CHD1L: variants seen among roughly 807,000 people sequenced by gnomAD.
CHD1L encodes the protein chromodomain helicase DNA binding protein 1 like.
In CHD1L, 118 loss-of-function variants were observed where a neutral mutation model predicts 115.9. The observed-to-expected ratio is 1.02, with a 90% confidence interval of 0.88 to 1.19. The LOEUF (loss-of-function observed/expected upper bound fraction) is 1.19, where lower values mean the gene tolerates loss of function less well. CHD1L is among the 50% of genes most tolerant of loss of function. The pLI, the probability that CHD1L is intolerant of heterozygous loss-of-function variation, is 0.00. For missense variants in CHD1L, 1,179 were observed against 1,065.3 expected (o/e 1.11, Z -1.49); for synonymous variants, 411 against 387.1 (o/e 1.06, Z -0.72).
rs373424057 is a variant in CHD1L at position 147,280,084 on chromosome 1, T to C, written c.1598T>C (p.Met533Thr). 2.0e-4 allele frequency: 315 copies of C among 1,614,092 alleles called. 3 individuals are homozygous for C. The South Asian group carries it at 3.2e-3, about 17-fold the overall frequency. Reference sequence around the variant, plus strand: ...CTGCTGGCCTCTGAGGGGAGCACCATGGATGAAATAGACCTGGAGTCCATC... The same window carrying C: ...CTGCTGGCCTCTGAGGGGAGCACCACGGATGAAATAGACCTGGAGTCCATC... ...DKLLASEGST[M>T]DEIDLESILG... The change falls in exon 15 of 23, where the codon ATG becomes ACG. Residue 533 changes from methionine to threonine, a missense_variant. By Grantham distance (81) the Met-to-Thr change is moderately conservative. Coordinates refer to ENST00000369258, the MANE Select transcript of CHD1L (RefSeq NM_004284.6).
At chr1:147,224,858 G>C in the CHD1L span, 1 of 1,595,576 alleles carries the variant, frequency 6.3e-7, no homozygotes, top group Non-Finnish European at 8.6e-7. Flanking sequence ...GTTGCAGGGA[G>C]GGTTTCAAGT....
chr1:147,188,108 A>T, the CHD1L span, among the ~76,000 whole-genome samples: 4 of 152,164 alleles, frequency 2.6e-5, no homozygotes, highest in African/African-American at 9.7e-5. Flanking sequence ...ATGGGACTAG[A>T]TTTAGGAGAG....
chr1:147,242,938 T>G, intron 1 of CHD1L, 108 bp downstream of exon 1: 3 of 1,186,560 alleles, frequency 2.5e-6, no homozygotes, highest in Non-Finnish European at 3.2e-6. Context: ...GTTTACCCGC[T>G]CGCGCCAGGG....
chr1:147,253,302 C>A (rs141999356), intron 2 of CHD1L, among the ~76,000 whole-genome samples: 95 of 152,294 alleles, frequency 6.2e-4, no homozygotes, highest in Non-Finnish European at 8.8e-4. Context: ...GATAAACTTT[C>A]TCTAAATTGC....
At chr1:147,234,772 C>T in the CHD1L span, among the ~76,000 whole-genome samples, 9 of 152,124 alleles carry the variant, frequency 5.9e-5, no homozygotes, top group Admixed American at 3.9e-4. Context: ...TGAATTTATA[C>T]TGACATGAAA....
chr1:147,206,405 A>G, the CHD1L span, among the ~76,000 whole-genome samples: 1 of 152,220 alleles, frequency 6.6e-6, no homozygotes, highest in Admixed American at 6.5e-5. Flanking sequence ...CAACCATCCC[A>G]TTACTGGGTA....
chr1:147,203,468 C>T, the CHD1L span: 1 of 831,562 alleles, frequency 1.2e-6, no homozygotes, highest in East Asian at 2.4e-5. Flanking sequence ...GCAGGGACTA[C>T]AGCCTCAGTA....
At chr1:147,235,395 T>G in the CHD1L span, among the ~76,000 whole-genome samples, 1 of 152,226 alleles carries the variant, frequency 6.6e-6, no homozygotes, top group Non-Finnish European at 1.5e-5. Context: ...TTTCATTTAA[T>G]TTTTACAACA....
intron 20 of CHD1L, among the ~76,000 whole-genome samples, chr1:147,292,249 A>G (rs1685816662): frequency 6.6e-6 from 1 of 152,246 alleles, no homozygotes; most frequent in Non-Finnish European, 1.5e-5. Flanking sequence ...ATTTCTTACT[A>G]TGTGAAAATT....
At chr1:147,225,016 C>A in the CHD1L span, 4 of 1,518,914 alleles carry the variant, frequency 2.6e-6, no homozygotes, top group South Asian at 4.8e-5. Context: ...CACAGCAATT[C>A]TTTTCTTAGT....
chr1:147,174,841 A>C, the CHD1L span: 1 of 152,194 alleles, frequency 6.6e-6, no homozygotes, highest in Non-Finnish European at 1.5e-5. Context: ...GAAGGAGGTA[A>C]TAGGAAAAGT....
chr1:147,233,012 A>T, the CHD1L span, among the ~76,000 whole-genome samples: 1 of 151,550 alleles, frequency 6.6e-6, no homozygotes, highest in Non-Finnish European at 1.5e-5. Context: ...CTGGAAAGTG[A>T]GGAGCGCCTC....
chr1:147,290,036 G>A (rs747671685), intron 19 of CHD1L, among the ~76,000 whole-genome samples: 4 of 152,140 alleles, frequency 2.6e-5, no homozygotes, highest in African/African-American at 9.7e-5. Context: ...GTTCAAACTG[G>A]TATCAACCTA....
the CHD1L span, among the ~76,000 whole-genome samples, chr1:147,216,933 T>C: frequency 6.6e-6 from 1 of 152,182 alleles, no homozygotes; most frequent in African/African-American, 2.4e-5. Context: ...ACAAACTTCT[T>C]TGCATCCTCA....
intron 14 of CHD1L, among the ~76,000 whole-genome samples, chr1:147,278,580 G>A (rs968868760): frequency 6.6e-6 from 1 of 150,866 alleles, no homozygotes; most frequent in African/African-American, 2.4e-5. Flanking sequence ...GTTCTGATTT[G>A]GTAAATCTAA....
chr1:147,182,609 A>G, the CHD1L span, among the ~76,000 whole-genome samples: 1 of 152,204 alleles, frequency 6.6e-6, no homozygotes, highest in African/African-American at 2.4e-5. Context: ...CAACTACAGG[A>G]GTAGTTTTAT....
chr1:147,279,910 C>A, intron 14 of CHD1L, 116 bp from the exon 15 acceptor site: 1 of 1,011,790 alleles, frequency 9.9e-7, no homozygotes, highest in African/African-American at 1.6e-5. Flanking sequence ...AGAAAGGCTG[C>A]CTGTTCATTA....
chr1:147,253,168 T>C (rs1668964073), intron 2 of CHD1L, among the ~76,000 whole-genome samples: 1 of 152,350 alleles, frequency 6.6e-6, no homozygotes, highest in South Asian at 2.1e-4. Context: ...AAGTATGCCC[T>C]TCTCTTCCAT....
chr1:147,288,350 A>G (rs1236548369), intron 19 of CHD1L, among the ~76,000 whole-genome samples: 2 of 148,558 alleles, frequency 1.3e-5, no homozygotes, highest in Admixed American at 1.3e-4. Context: ...AAAAAAAGAA[A>G]AAGAGAACTA....
Sources: allele counts gnomAD v4.1 joint callset (sites outside exome capture counted in the v4.1 genomes callset), GRCh38; gene constraint gnomAD v4.1.1; transcripts MANE v1.5; gene names NCBI Gene and HGNC (gene_info 2026-07-23, HGNC 2026-07-21).